Variants in COL24A1 observed in about 807,000 individuals in gnomAD.
The protein encoded by COL24A1 is collagen type XXIV alpha 1 chain.
In COL24A1, 224 loss-of-function variants were observed where a neutral mutation model predicts 253.9. That is an observed-to-expected ratio of 0.88 (90% CI 0.79 to 0.99). COL24A1 has a LOEUF of 0.99. Ranked by LOEUF, COL24A1 falls within the 50% of genes least tolerant of loss-of-function variation. COL24A1 has a pLI of 0.00. For synonymous variants in COL24A1, 685 were observed against 673.7 expected, an observed-to-expected ratio of 1.02 and a Z score of -0.26; for missense variants, 2,131 against 2,068.5, an observed-to-expected ratio of 1.03 and a Z score of -0.59.
At chr1:85,909,138 T>G (rs1193253782) in intron 26 of COL24A1, among the ~76,000 whole-genome samples, 1 of 151,756 alleles carries the variant, frequency 6.6e-6, no homozygotes, top group African/African-American at 2.4e-5. Flanking sequence ...TAACACTGAT[T>G]CAAAAAATGC....
chr1:85,808,415 C>A (rs1672200973), intron 47 of COL24A1, among the ~76,000 whole-genome samples: 1 of 152,174 alleles, frequency 6.6e-6, no homozygotes, highest in Non-Finnish European at 1.5e-5. Context: ...TAGCCACTGG[C>A]AACAACAGCT....
At chr1:86,129,019 C>T (rs1014403589) in intron 2 of COL24A1, among the ~76,000 whole-genome samples, 1 of 151,762 alleles carries the variant, frequency 6.6e-6, no homozygotes, top group East Asian at 1.9e-4. Context: ...TTTGAAATTA[C>T]ATTTTTTCCC....
intron 2 of COL24A1, among the ~76,000 whole-genome samples, chr1:86,137,919 A>T (rs1264335528): frequency 6.6e-6 from 1 of 152,214 alleles, no homozygotes; most frequent in East Asian, 1.9e-4. Flanking sequence ...AGATTATGCC[A>T]GTCTTCTGAC....
At chr1:85,870,919 T>C (rs886680091) in intron 35 of COL24A1, among the ~76,000 whole-genome samples, 2 of 152,018 alleles carry the variant, frequency 1.3e-5, no homozygotes, top group African/African-American at 4.8e-5. Flanking sequence ...GCTGGTGTTT[T>C]GAAAAGATCA....
At chr1:85,798,200 T>TAAAA (rs5775871) in intron 47 of COL24A1, among the ~76,000 whole-genome samples, 3 of 139,012 alleles carry the variant, frequency 2.2e-5, no homozygotes, top group Non-Finnish European at 4.6e-5. Flanking sequence ...CTGTCTCTAT[T>TAAAA]AAAAAAAAAA....
chr1:86,069,139 C>G (rs769285289), intron 7 of COL24A1, among the ~76,000 whole-genome samples: 3 of 152,154 alleles, frequency 2.0e-5, no homozygotes, highest in Non-Finnish European at 4.4e-5. Context: ...ACCAGCTTGG[C>G]CACAGTAGGG....
chr1:86,023,898 C>T (rs1041117332), intron 14 of COL24A1, among the ~76,000 whole-genome samples: 6 of 151,998 alleles, frequency 3.9e-5, no homozygotes, highest in Non-Finnish European at 5.9e-5. Flanking sequence ...GGCTTCCTTA[C>T]TACTCTTTAT....
In COL24A1 at chr1:85,896,007, G is replaced by A. The variant is rs779895090; in HGVS notation, c.2877+14C>T. The A allele has an allele frequency of 3.1e-6, 5 of 1,605,854 alleles. No individual in the cohort carries two copies. Among genetic ancestry groups the A allele is most frequent in the East Asian group, 4.5e-5 (2 of 44,774 alleles). Reference sequence around the variant, plus strand: ...AAAATGTTCATCTTTAATGTGAAATGTTTTATTACTTACAATAAGACCATG... The same window carrying A: ...AAAATGTTCATCTTTAATGTGAAATATTTTATTACTTACAATAAGACCATG... On this transcript the variant is annotated intron_variant, in intron 30 of 59. Transcript: ENST00000370571.
intron 20 of COL24A1, among the ~76,000 whole-genome samples, chr1:85,973,005 G>A (rs1283738292): frequency 6.6e-6 from 1 of 152,144 alleles, no homozygotes; most frequent in African/African-American, 2.4e-5. Flanking sequence ...GCCTGTTTAA[G>A]CTGGGTTTCC....
In COL24A1 at chr1:85,847,760, G is replaced by T. The variant is rs1318538239; in HGVS notation, c.3367C>A (p.Gln1123Lys). Residue 1123 changes from glutamine to lysine, a missense_variant, in exon 39 of 60, where the codon CAA becomes AAA. Gln to Lys is a moderately conservative substitution (Grantham distance 53). Coordinates refer to ENST00000370571, the MANE Select transcript of COL24A1 (RefSeq NM_152890.7). ...GRPGKKGDKG[Q>K]IGPTGEVGSR... ...CCAACTTCTCCTGTGGGTCCTATTT[G>T]TCCTTTATCACCCTGTGGATGACAT... 3 of 1,612,702 alleles carry T rather than the reference G, an allele frequency of 1.9e-6. No homozygotes were observed. The highest frequency in any genetic ancestry group is 2.5e-6 in the Non-Finnish European group (3 of 1,179,098).
intron 55 of COL24A1, among the ~76,000 whole-genome samples, chr1:85,754,772 C>A: frequency 6.6e-6 from 1 of 151,574 alleles, no homozygotes. Context: ...TTGAGATTAT[C>A]CTGTTTGAGG....
At chr1:85,807,137 T>C (rs1672059055) in intron 47 of COL24A1, among the ~76,000 whole-genome samples, 1 of 152,130 alleles carries the variant, frequency 6.6e-6, no homozygotes, top group Non-Finnish European at 1.5e-5. Flanking sequence ...GGAACACCAT[T>C]AATAGTCCAG....
At chr1:85,874,826 G>C in intron 34 of COL24A1, 124 bp from the exon 35 acceptor site, 3 of 993,122 alleles carry the variant, frequency 3.0e-6, no homozygotes, top group South Asian at 3.4e-5. Context: ...TCCAAGGCCT[G>C]TTAGGAAATG....
At chr1:85,766,202 C>T (rs1667349143) in intron 53 of COL24A1, among the ~76,000 whole-genome samples, 1 of 151,154 alleles carries the variant, frequency 6.6e-6, no homozygotes, top group Non-Finnish European at 1.5e-5. Context: ...CCCGTTTCTA[C>T]AAAAAAATAG....
intron 10 of COL24A1, among the ~76,000 whole-genome samples, chr1:86,053,343 C>T (rs1410762700): frequency 6.6e-6 from 1 of 151,948 alleles, no homozygotes; most frequent in East Asian, 1.9e-4. Flanking sequence ...ATAGCCTGTA[C>T]AGAGTGTAAA....
chr1:85,785,239 G>T (rs1424971731), intron 48 of COL24A1, among the ~76,000 whole-genome samples: 1 of 152,012 alleles, frequency 6.6e-6, no homozygotes, highest in Admixed American at 6.6e-5. Context: ...TCCCCTAAAA[G>T]TCACTTTAAG....
At chr1:86,115,167 A>C (rs745892195) in intron 4 of COL24A1, among the ~76,000 whole-genome samples, 158 bp downstream of exon 4, 12 of 152,240 alleles carry the variant, frequency 7.9e-5, no homozygotes, top group Non-Finnish European at 1.3e-4. Flanking sequence ...ACTAGGCTGC[A>C]TGTGTTCTTA....
chr1:85,771,774 A>G (rs1667985161), intron 53 of COL24A1, among the ~76,000 whole-genome samples: 1 of 119,002 alleles, frequency 8.4e-6, no homozygotes, highest in Admixed American at 9.5e-5. Flanking sequence ...TTGTTGCCTG[A>G]CTTTTTTATT....
intron 53 of COL24A1, among the ~76,000 whole-genome samples, chr1:85,768,587 C>CG (rs34936701): frequency 0.45 from 66,692 of 147,148 alleles, 15,498 homozygotes; most frequent in South Asian, 0.6. Flanking sequence ...TTCTTTTGTG[C>CG]GGGGGGAGGG....
Sources: allele counts gnomAD v4.1 joint callset (sites outside exome capture counted in the v4.1 genomes callset), GRCh38; gene constraint gnomAD v4.1.1; transcripts MANE v1.5; gene names NCBI Gene and HGNC (gene_info 2026-07-23, HGNC 2026-07-21).